Variants in TRAPPC9 observed in about 807,000 individuals in gnomAD.
TRAPPC9 encodes the protein IKK2 binding protein.
Under a neutral mutation model 124.0 loss-of-function variants are expected in TRAPPC9, and 83 were observed. The ratio of observed to expected loss-of-function variants is 0.67; its 90% CI spans 0.56 to 0.80. TRAPPC9 has a LOEUF of 0.80. Among genes scored for constraint, TRAPPC9 ranks in the 30% least tolerant of loss-of-function variants. The probability of loss-of-function intolerance (pLI) is 0.00; values close to 1 mark genes in which losing one functional copy is unlikely to be tolerated. For synonymous variants in TRAPPC9, 638 were observed against 617.5 expected (o/e 1.03, Z -0.49); for missense variants, 1,302 against 1,508.3 (o/e 0.86, Z 2.27).
intron 17 of TRAPPC9, among the ~76,000 whole-genome samples, chr8:140,041,772 G>C (rs957425206): frequency 1.3e-5 from 2 of 152,222 alleles, no homozygotes; most frequent in South Asian, 2.1e-4. Flanking sequence ...AGGAGTTCAA[G>C]ACCAGCCTGG....
At chr8:140,169,101 A>G (rs2061909631) in intron 17 of TRAPPC9, among the ~76,000 whole-genome samples, 1 of 150,966 alleles carries the variant, frequency 6.6e-6, no homozygotes, top group Non-Finnish European at 1.5e-5. Context: ...GAGCCTGTAC[A>G]TCTCTGAGGA....
chr8:140,388,316 A>G (rs748181248), intron 7 of TRAPPC9, among the ~76,000 whole-genome samples: 2 of 150,800 alleles, frequency 1.3e-5, no homozygotes, highest in Non-Finnish European at 2.9e-5. Context: ...AACATGGCAC[A>G]TGTATACATA....
chr8:139,915,646 A>C (rs1832076116), intron 19 of TRAPPC9, among the ~76,000 whole-genome samples: 1 of 152,222 alleles, frequency 6.6e-6, no homozygotes, highest in African/African-American at 2.4e-5. Context: ...CTGGGCCCAC[A>C]GTCCAGGATT....
chr8:140,316,273 G>A lies in TRAPPC9; in HGVS notation c.1496-4899C>T, dbSNP rs142745960. Among the ~76,000 whole-genome samples, 556 of 152,154 alleles carry A rather than the reference G, an allele frequency of 3.7e-3. 4 individuals carry two copies. The highest frequency in any genetic ancestry group is 0.011 in the African/African-American group (469 of 41,548). On this transcript the variant is annotated intron_variant, in intron 9 of 22. Transcript: ENST00000438773. ...ATCTTTTTGATTTTTTGCTTAAAAC[G>A]TTGCTGGTCCTTTGTTTTTTCAGAG...
rs1032292428 is a variant in TRAPPC9 at position 140,166,562 on chromosome 8, G to A, written c.2556+54897C>T. ...AAGGGAGGGAAGGCATGAGTATCAT[G>A]AGTAGTGTTTCTAGGGAAATATTTT... On this transcript the variant is annotated intron_variant, in intron 17 of 22. Transcript: ENST00000438773. Among the ~76,000 whole-genome samples the A allele has an allele frequency of 3.3e-5, 5 of 152,206 alleles. No individual in the cohort carries two copies. The South Asian group carries it at 8.3e-4, about 25-fold the overall frequency.
intron 18 of TRAPPC9, among the ~76,000 whole-genome samples, chr8:140,004,624 TG>T (rs558926260): frequency 2.0e-5 from 3 of 152,006 alleles, no homozygotes; most frequent in Non-Finnish European, 4.4e-5. Flanking sequence ...ACTATAAACA[TG>T]GGGGGTGGGG....
intron 17 of TRAPPC9, among the ~76,000 whole-genome samples, chr8:140,212,988 G>T (rs766981940): frequency 2.6e-5 from 4 of 151,398 alleles, no homozygotes; most frequent in African/African-American, 4.9e-5. Context: ...AGAATCGCTT[G>T]AACCCAGGAG....
intron 9 of TRAPPC9, among the ~76,000 whole-genome samples, chr8:140,347,259 C>T (rs576427963): frequency 4.6e-5 from 7 of 152,310 alleles, no homozygotes; most frequent in South Asian, 4.1e-4. Flanking sequence ...CCTTCACATC[C>T]GCCTTCCCTT....
chr8:139,803,834 G>A (rs56331972), intron 21 of TRAPPC9, among the ~76,000 whole-genome samples: 2,247 of 152,200 alleles, frequency 0.015, 60 homozygotes, highest in African/African-American at 0.052. Context: ...CAAGAGGACC[G>A]GGCTGTGGCT....
chr8:140,228,534 G>A (rs1289311005), intron 16 of TRAPPC9, among the ~76,000 whole-genome samples: 1 of 152,204 alleles, frequency 6.6e-6, no homozygotes, highest in Non-Finnish European at 1.5e-5. Flanking sequence ...CTATTCAAAT[G>A]GCAACAGTCC....
intron 9 of TRAPPC9, among the ~76,000 whole-genome samples, chr8:140,314,996 T>C (rs1167381342): frequency 1.3e-5 from 2 of 152,220 alleles, no homozygotes; most frequent in Non-Finnish European, 2.9e-5. Context: ...TATTTTTAAG[T>C]TTTTTGAGGA....
intron 18 of TRAPPC9, among the ~76,000 whole-genome samples, chr8:140,003,500 G>T (rs1321960406): frequency 6.6e-6 from 1 of 151,650 alleles, no homozygotes; most frequent in Non-Finnish European, 1.5e-5. Flanking sequence ...TACTCAGGAG[G>T]CTAAGGCAGG....
At chr8:140,236,888 A>G (rs1349059084) in intron 16 of TRAPPC9, among the ~76,000 whole-genome samples, 1 of 152,184 alleles carries the variant, frequency 6.6e-6, no homozygotes, top group Admixed American at 6.5e-5. Flanking sequence ...AACTGATTCT[A>G]AAATTGATGT....
chr8:139,996,158 CAAAAAAAAAAAAAAA>C, intron 18 of TRAPPC9, among the ~76,000 whole-genome samples: 2 of 19,424 alleles, frequency 1.0e-4, no homozygotes, highest in East Asian at 2.4e-3. Context: ...AAAACTTAAG[CAAAAAAAAAAAAAAA>C]AAAAAAAAAG....
intron 21 of TRAPPC9, among the ~76,000 whole-genome samples, chr8:139,864,992 G>A (rs62528723): frequency 0.1 from 15,590 of 152,212 alleles, 863 homozygotes; most frequent in East Asian, 0.24. Context: ...TTGGAACTAA[G>A]AATCCCACAG....
At chr8:140,255,520 T>C (rs2064231710) in intron 15 of TRAPPC9, among the ~76,000 whole-genome samples, 1 of 152,240 alleles carries the variant, frequency 6.6e-6, no homozygotes, top group South Asian at 2.1e-4. Context: ...ATGGAATCGT[T>C]GAGCAGGCTG....
In TRAPPC9 at chr8:139,927,927, C is replaced by T. The variant is rs535478943; in HGVS notation, c.2811-17627G>A. Among the ~76,000 whole-genome samples the T allele has an allele frequency of 1.9e-4, 29 of 152,270 alleles. 1 individual carries two copies. The highest frequency in any genetic ancestry group is 8.3e-4 in the South Asian group (4 of 4,822). ...CAAGAGCTAATCCACGGCAGAAGCA[C>T]GCCAGGGGTTGCTGTGGGACAGACT... On this transcript the variant is annotated intron_variant, in intron 19 of 22. Transcript: ENST00000438773.
chr8:140,450,741 C>A, intron 2 of TRAPPC9, 49 bp downstream of exon 2: 1 of 1,455,948 alleles, frequency 6.9e-7, no homozygotes, highest in East Asian at 2.4e-5. Context: ...TGTGCTTTCC[C>A]TTTCTGATGC....
chr8:140,333,614 C>G (rs2132016623), intron 9 of TRAPPC9, among the ~76,000 whole-genome samples: 1 of 152,354 alleles, frequency 6.6e-6, no homozygotes, highest in South Asian at 2.1e-4. Context: ...TGGTCTCAAA[C>G]TCCTGACCTC....
Sources: gnomAD v4.1 joint callset for allele counts (sites outside exome capture counted in the v4.1 genomes callset) on GRCh38, gnomAD v4.1.1 for gene constraint, MANE v1.5 for transcripts, NCBI Gene and HGNC (gene_info 2026-07-23, HGNC 2026-07-21) for gene names.